The following CFAP299 variants were observed in gnomAD, a reference collection of about 807,000 sequenced individuals.
CFAP299 encodes the protein cilia- and flagella-associated protein 299.
CFAP299 carries 21 observed loss-of-function variants against 27.0 expected under a neutral mutation model. The ratio of observed to expected loss-of-function variants is 0.78; its 90% CI spans 0.55 to 1.12. The LOEUF (loss-of-function observed/expected upper bound fraction) is 1.12, where lower values mean the gene tolerates loss of function less well. Ranked by LOEUF, CFAP299 falls within the 50% of genes most tolerant of loss-of-function variation. The probability of loss-of-function intolerance (pLI) is 0.00; values close to 1 mark genes in which losing one functional copy is unlikely to be tolerated. For synonymous variants in CFAP299, 104 were observed against 98.1 expected (o/e 1.06, Z -0.36); for missense variants, 310 against 276.6 (o/e 1.12, Z -0.86).
At chr4:80,649,269 T>C (rs1191887424) in intron 3 of CFAP299, 1 of 152,150 alleles carries the variant, frequency 6.6e-6, no homozygotes, top group Admixed American at 6.6e-5. Flanking sequence ...AGTTTAGAAA[T>C]GATAATTTAT....
intron 4 of CFAP299, among the ~76,000 whole-genome samples, chr4:80,885,046 G>T (rs770994423): frequency 2.0e-5 from 3 of 152,140 alleles, no homozygotes; most frequent in Admixed American, 2.0e-4. Context: ...TGTGAGCTTT[G>T]GGGAGGGAGA....
At chr4:80,749,026 C>T (rs1440131540) in intron 3 of CFAP299, among the ~76,000 whole-genome samples, 1 of 152,082 alleles carries the variant, frequency 6.6e-6, no homozygotes, top group Non-Finnish European at 1.5e-5. Flanking sequence ...AGGTTTTTTT[C>T]TCTTTACCTA....
chr4:80,746,517 G>C (rs1328861099), intron 3 of CFAP299, among the ~76,000 whole-genome samples: 1 of 152,016 alleles, frequency 6.6e-6, no homozygotes, highest in African/African-American at 2.4e-5. Flanking sequence ...CTCTTTCTCT[G>C]AGTAAACAAT....
At chr4:80,714,127 A>G (rs1722339273) in intron 3 of CFAP299, among the ~76,000 whole-genome samples, 1 of 152,082 alleles carries the variant, frequency 6.6e-6, no homozygotes, top group Non-Finnish European at 1.5e-5. Context: ...CCTTGAGGGA[A>G]GAGTTATTTG....
chr4:80,535,411 C>T (rs1229741423), intron 2 of CFAP299, among the ~76,000 whole-genome samples: 2 of 66,856 alleles, frequency 3.0e-5, no homozygotes, highest in Non-Finnish European at 5.0e-5. Flanking sequence ...AGGAGAATGG[C>T]GTGAACCCGG....
intron 4 of CFAP299, among the ~76,000 whole-genome samples, chr4:80,901,814 C>T (rs552882367): frequency 6.6e-6 from 1 of 152,184 alleles, no homozygotes; most frequent in South Asian, 2.1e-4. Flanking sequence ...CCTAAAATTT[C>T]CAAACAGAAC....
chr4:80,659,894 T>C (rs1372876008), intron 3 of CFAP299, among the ~76,000 whole-genome samples: 2 of 152,138 alleles, frequency 1.3e-5, no homozygotes, highest in Non-Finnish European at 2.9e-5. Flanking sequence ...AATGATAGAA[T>C]TATAGAGTCA....
At chr4:80,916,252 A>AATATATATATATATATATATAT (rs10696316) in intron 4 of CFAP299, among the ~76,000 whole-genome samples, 23 of 60,956 alleles carry the variant, frequency 3.8e-4, no homozygotes, top group Non-Finnish European at 4.4e-4. Context: ...ACTAGACTGA[A>AATATATATATATATATATATAT]ATATATATAT....
intron 3 of CFAP299, among the ~76,000 whole-genome samples, chr4:80,618,993 T>A (rs1056428722): frequency 1.1e-4 from 16 of 152,128 alleles, no homozygotes; most frequent in Admixed American, 7.9e-4. Flanking sequence ...GTAATATTTA[T>A]TACTTAAGGG....
At chr4:80,959,785 T>C (rs555764539) in intron 5 of CFAP299, among the ~76,000 whole-genome samples, 73 of 152,084 alleles carry the variant, frequency 4.8e-4, no homozygotes, top group Non-Finnish European at 8.4e-4. Flanking sequence ...TATTAATTTT[T>C]CTATACTTAA....
chr4:80,714,334 T>C (rs1046851897), intron 3 of CFAP299, among the ~76,000 whole-genome samples: 1 of 152,112 alleles, frequency 6.6e-6, no homozygotes, highest in Non-Finnish European at 1.5e-5. Flanking sequence ...AATTTAAACA[T>C]TGAAATCATA....
chr4:80,522,012 CTTT>C (rs1052399519), intron 2 of CFAP299, among the ~76,000 whole-genome samples: 2 of 151,772 alleles, frequency 1.3e-5, no homozygotes, highest in African/African-American at 4.8e-5. Flanking sequence ...TATGATAGTT[CTTT>C]TTTAAATTTT....
rs371288397 is a variant in CFAP299 at position 80,697,204 on chromosome 4, A to G, written c.333+114021A>G. On this transcript the variant is annotated intron_variant, in intron 3 of 5. Coordinates refer to ENST00000358105, the MANE Select transcript of CFAP299 (RefSeq NM_152770.3). Reference sequence around the variant, plus strand: ...ACAAAAATTTGAAAAAAAAAATTCTACTTATCAGAAAAACAATCTGTATGA... The same window carrying G: ...ACAAAAATTTGAAAAAAAAAATTCTGCTTATCAGAAAAACAATCTGTATGA... Among the ~76,000 whole-genome samples the G allele has an allele frequency of 5.9e-5, 9 of 152,174 alleles. No individual in the cohort carries two copies. In the East Asian group the frequency reaches 1.7e-3, roughly 30 times the overall value.
chr4:80,713,965 A>G (rs1041319215), intron 3 of CFAP299, among the ~76,000 whole-genome samples: 1 of 152,112 alleles, frequency 6.6e-6, no homozygotes, highest in Non-Finnish European at 1.5e-5. Context: ...CTGATGCCCA[A>G]GTAGAAGTAG....
intron 2 of CFAP299, among the ~76,000 whole-genome samples, chr4:80,406,154 G>A (rs770433345): frequency 2.9e-4 from 44 of 152,326 alleles, no homozygotes; most frequent in Non-Finnish European, 5.0e-4. Flanking sequence ...GGTATGGTCA[G>A]TAGGAAGATT....
intron 4 of CFAP299, among the ~76,000 whole-genome samples, chr4:80,912,471 G>A (rs77524256): frequency 0.048 from 7,296 of 152,204 alleles, 534 homozygotes; most frequent in African/African-American, 0.15. Flanking sequence ...ACTTGGTGCA[G>A]CTGGGCAACA....
intron 3 of CFAP299, among the ~76,000 whole-genome samples, chr4:80,680,536 A>G (rs187281538): frequency 1.8e-3 from 273 of 152,276 alleles, no homozygotes; most frequent in African/African-American, 6.1e-3. Flanking sequence ...GGAAATAACA[A>G]TAAGCTTTTT....
intron 3 of CFAP299, among the ~76,000 whole-genome samples, chr4:80,741,331 C>A (rs13434602): frequency 0.097 from 14,798 of 152,170 alleles, 890 homozygotes; most frequent in African/African-American, 0.15. Context: ...TCACTGCAAC[C>A]TCCACCTCCT....
rs1293700827 is a variant in CFAP299 at position 80,936,906 on chromosome 4, T to C, written c.477-7904T>C. Among the ~76,000 whole-genome samples the C allele has an allele frequency of 2.6e-5, 4 of 152,186 alleles. No homozygotes were observed. The East Asian group carries it at 7.7e-4, about 29-fold the overall frequency. On this transcript the variant is annotated intron_variant, in intron 4 of 5. Coordinates refer to ENST00000358105, the MANE Select transcript of CFAP299 (RefSeq NM_152770.3). ...TATGTGTCCTTGAGATGAATGTATA[T>C]TCTGCTGCTGTTGGATGAAATGTTC...
Sources: allele counts gnomAD v4.1 joint callset (sites outside exome capture counted in the v4.1 genomes callset), GRCh38; gene constraint gnomAD v4.1.1; transcripts MANE v1.5; gene names NCBI Gene and HGNC (gene_info 2026-07-23, HGNC 2026-07-21).